Variants in ADGRB3 observed in about 807,000 individuals in gnomAD.
ADGRB3 encodes brain-specific angiogenesis inhibitor 3.
Under a neutral mutation model 193.4 loss-of-function variants are expected in ADGRB3, and 37 were observed. The observed-to-expected ratio is 0.19, with a 90% CI of 0.15 to 0.25. The LOEUF is 0.25. ADGRB3 is among the 10% of genes least tolerant of loss of function. ADGRB3 has a pLI of 1.00. For synonymous variants in ADGRB3, 690 were observed against 644.2 expected (o/e 1.07, Z -1.08); for missense variants, 1,637 against 1,852.9 (o/e 0.88, Z 2.14).
intron 30 of ADGRB3, among the ~76,000 whole-genome samples, chr6:69,378,712 C>A (rs373178272): frequency 4.9e-4 from 75 of 152,098 alleles, no homozygotes; most frequent in South Asian, 3.1e-3. Context: ...AGTGATACAA[C>A]TGAGGTCTAA....
In ADGRB3 at chr6:68,817,348, T is replaced by G. The variant is rs184717234; in HGVS notation, c.758-113211T>G. 7.1e-5 allele frequency among the ~76,000 whole-genome samples: 8 copies of G among 112,732 alleles called. No individual in the cohort carries two copies. The East Asian group carries it at 2.0e-3, about 28-fold the overall frequency. The allele number at this position is 112,732 out of a possible 152,430, so 74.0% of individuals were successfully genotyped here. Reference sequence around the variant, plus strand: ...ATATATATATATATATATATATATATATATATATATATAATTTCTGACTGT... The same window carrying G: ...ATATATATATATATATATATATATAGATATATATATATAATTTCTGACTGT... On this transcript the variant is annotated intron_variant, in intron 3 of 31. Transcript: ENST00000370598.
chr6:68,767,647 C>A (rs1270107184), intron 3 of ADGRB3, among the ~76,000 whole-genome samples: 3 of 152,160 alleles, frequency 2.0e-5, no homozygotes, highest in East Asian at 1.9e-4. Context: ...AAGATGCCAT[C>A]TCTCACCACT....
intron 17 of ADGRB3, among the ~76,000 whole-genome samples, chr6:69,107,788 GA>G (rs1409007151): frequency 6.6e-6 from 1 of 152,088 alleles, no homozygotes; most frequent in African/African-American, 2.4e-5. Flanking sequence ...ATTAACACAG[GA>G]AAAGAAAACC....
chr6:68,652,176 G>A (rs1275316488), intron 3 of ADGRB3, among the ~76,000 whole-genome samples: 3 of 151,978 alleles, frequency 2.0e-5, no homozygotes, highest in Non-Finnish European at 4.4e-5. Flanking sequence ...GGTAGCGTCC[G>A]ATAAGCGTTC....
chr6:68,687,833 T>G (rs1765010460), intron 3 of ADGRB3, among the ~76,000 whole-genome samples: 1 of 152,328 alleles, frequency 6.6e-6, no homozygotes, highest in Non-Finnish European at 1.5e-5. Context: ...TTTAATATAC[T>G]TTGTTTTCAT....
chr6:69,386,382 A>G (rs553597187), intron 31 of ADGRB3, among the ~76,000 whole-genome samples: 2 of 152,214 alleles, frequency 1.3e-5, no homozygotes, highest in South Asian at 2.1e-4. Flanking sequence ...CTTTCAAACT[A>G]AGGATTCCCA....
chr6:68,927,292 T>TA (rs1767208432), intron 3 of ADGRB3, among the ~76,000 whole-genome samples: 1 of 152,160 alleles, frequency 6.6e-6, no homozygotes, highest in African/African-American at 2.4e-5. Context: ...TGTAATATAT[T>TA]ATCTTTGCCA....
At chr6:68,649,310 A>G (rs959353939) in intron 3 of ADGRB3, among the ~76,000 whole-genome samples, 1 of 152,166 alleles carries the variant, frequency 6.6e-6, no homozygotes, top group Non-Finnish European at 1.5e-5. Flanking sequence ...TCAGATAAGC[A>G]TAACTCTTTT....
chr6:69,331,503 A>C, intron 23 of ADGRB3: 1 of 984,332 alleles, frequency 1.0e-6, no homozygotes, highest in Non-Finnish European at 1.2e-6. Context: ...CATCCTACTA[A>C]TTCTGATATG....
At chr6:69,320,810 C>T (rs1166308077) in intron 20 of ADGRB3, among the ~76,000 whole-genome samples, 2 of 120,582 alleles carry the variant, frequency 1.7e-5, no homozygotes, top group African/African-American at 3.2e-5. Flanking sequence ...AGTATATGTG[C>T]TTGTGCATGT....
At chr6:68,913,304 C>G (rs1279841252) in intron 3 of ADGRB3, among the ~76,000 whole-genome samples, 3 of 152,178 alleles carry the variant, frequency 2.0e-5, no homozygotes. Flanking sequence ...CCAGTAAGGG[C>G]AGACTGACAC....
chr6:68,992,214 G>T lies in ADGRB3; in HGVS notation c.1735-1554G>T, dbSNP rs188260121. Among the ~76,000 whole-genome samples the T allele has an allele frequency of 1.7e-3, 254 of 152,286 alleles. 1 individual carries two copies. The highest frequency in any genetic ancestry group is 7.5e-3 in the South Asian group (36 of 4,828). On this transcript the variant is annotated intron_variant, in intron 10 of 31. Transcript: ENST00000370598. ...GAAGAACAAGAACTAAATATGAGTG[G>T]TTTTTAAAGAAGAGACCATGGAAGA...
intron 3 of ADGRB3, among the ~76,000 whole-genome samples, chr6:68,690,423 T>C (rs1333936188): frequency 6.6e-6 from 1 of 152,084 alleles, no homozygotes; most frequent in Non-Finnish European, 1.5e-5. Flanking sequence ...GAAATGCCCT[T>C]TTTGTCACAT....
chr6:69,232,722 G>A (rs911231642), intron 17 of ADGRB3: 2 of 1,145,190 alleles, frequency 1.7e-6, no homozygotes, highest in Admixed American at 2.2e-5. Flanking sequence ...TTTCCAGGGT[G>A]AAATTTTCAC....
chr6:69,015,711 T>C (rs748823166), intron 12 of ADGRB3, among the ~76,000 whole-genome samples: 19 of 151,944 alleles, frequency 1.3e-4, no homozygotes, highest in Non-Finnish European at 2.5e-4. Flanking sequence ...GCTATTGACA[T>C]TGGAAGTTTT....
At chr6:68,650,917 G>A in intron 3 of ADGRB3, among the ~76,000 whole-genome samples, 1 of 151,986 alleles carries the variant, frequency 6.6e-6, no homozygotes, top group East Asian at 1.9e-4. Context: ...TTTTGAATAG[G>A]CAATGCAAAA....
At chr6:68,974,356 A>G (rs1768678330) in intron 8 of ADGRB3, among the ~76,000 whole-genome samples, 1 of 152,224 alleles carries the variant, frequency 6.6e-6, no homozygotes, top group Admixed American at 6.5e-5. Context: ...TAAACAATAT[A>G]CATTAAAGCA....
Position 69,382,886 on chromosome 6 carries a change from A to G in ADGRB3, c.4331A>G (p.Lys1444Arg). The G allele has an allele frequency of 6.2e-7, 1 of 1,609,694 alleles. No homozygotes were observed. The highest frequency in any genetic ancestry group is 8.5e-7 in the Non-Finnish European group (1 of 1,177,652). Residue 1444 changes from lysine to arginine, a missense_variant, in exon 31 of 32, where the codon AAA becomes AGA. Around this residue, in one of 7 missense-constraint regions of ADGRB3, gnomAD observed 368 missense variants for 367.4 expected, o/e 1.00. Transcript: ENST00000370598. ...GAACTATTTCAAGAACTAAATCAGA[A>G]ATTTCAAACTTTGGACAGATTTCGG... Reference protein sequence around the residue: ...HMELFQELNQKFQTLDRFRDI... With the variant: ...HMELFQELNQRFQTLDRFRDI...
intron 20 of ADGRB3, among the ~76,000 whole-genome samples, chr6:69,319,734 A>G (rs953831429): frequency 1.3e-5 from 2 of 151,346 alleles, no homozygotes; most frequent in African/African-American, 4.8e-5. Context: ...ACATTGTGAC[A>G]TCTGGTTTTT....
Sources: allele counts gnomAD v4.1 joint callset (sites outside exome capture counted in the v4.1 genomes callset), GRCh38; gene constraint gnomAD v4.1.1; regional missense constraint gnomAD v4.1.1; transcripts MANE v1.5; gene names NCBI Gene and HGNC (gene_info 2026-07-23, HGNC 2026-07-21).